RABGEF1: variants seen among roughly 807,000 people sequenced by gnomAD.
The protein encoded by RABGEF1 is rab5 GDP/GTP exchange factor.
RABGEF1 carries 26 observed loss-of-function variants against 57.3 expected under a neutral mutation model. The ratio of observed to expected loss-of-function variants is 0.45; its 90% confidence interval spans 0.33 to 0.63. The LOEUF (loss-of-function observed/expected upper bound fraction) is 0.63. Ranked by LOEUF, RABGEF1 falls within the 20% of genes least tolerant of loss-of-function variation. RABGEF1 has a pLI of 0.02. For synonymous variants in RABGEF1, 185 were observed against 210.7 expected (o/e 0.88, Z 1.06); for missense variants, 464 against 607.6 (o/e 0.76, Z 2.48).
chr7:66,738,083 T>A (rs1798257531), upstream of RABGEF1, among the ~76,000 whole-genome samples: 2 of 151,004 alleles, frequency 1.3e-5, no homozygotes, highest in Admixed American at 6.6e-5. Flanking sequence ...TGTAGTGGCA[T>A]GATCACTGCT....
intron 5 of RABGEF1, among the ~76,000 whole-genome samples, chr7:66,796,154 AAG>A (rs1299841182): frequency 6.6e-6 from 1 of 152,150 alleles, no homozygotes; most frequent in Non-Finnish European, 1.5e-5. Context: ...GAGAGAGAGA[AAG>A]AGAAAAACTT....
chr7:66,798,659 G>A (rs1584238288), intron 6 of RABGEF1, among the ~76,000 whole-genome samples: 2 of 152,160 alleles, frequency 1.3e-5, no homozygotes, highest in South Asian at 2.1e-4. Flanking sequence ...AAGCTCCAGT[G>A]TGCCTCAGAA....
At chr7:66,746,176 A>T (rs1038783776) in intron 1 of RABGEF1, among the ~76,000 whole-genome samples, 1 of 152,228 alleles carries the variant, frequency 6.6e-6, no homozygotes, top group Non-Finnish European at 1.5e-5. Flanking sequence ...TGATGTTTGG[A>T]TAAAGCTCCT....
intron 4 of RABGEF1, among the ~76,000 whole-genome samples, chr7:66,792,945 G>T (rs1297461983): frequency 6.6e-6 from 1 of 152,182 alleles, no homozygotes; most frequent in Non-Finnish European, 1.5e-5. Context: ...AGAGACAGTG[G>T]CAGGGGTGAG....
chr7:66,671,074 G>T, the RABGEF1 span, among the ~76,000 whole-genome samples: 1 of 152,022 alleles, frequency 6.6e-6, no homozygotes, highest in Non-Finnish European at 1.5e-5. Flanking sequence ...GTGTTGCCCA[G>T]ACTGTCTCAA....
chr7:66,657,233 G>A, the RABGEF1 span, among the ~76,000 whole-genome samples: 1 of 152,184 alleles, frequency 6.6e-6, no homozygotes, highest in African/African-American at 2.4e-5. Flanking sequence ...AGAGTATACA[G>A]TGTATTAGGC....
intron 1 of RABGEF1, chr7:66,682,338 A>ACGTCCGCGC (rs1051567371): frequency 1.2e-4 from 18 of 154,110 alleles, no homozygotes; most frequent in Admixed American, 2.6e-4. Flanking sequence ...TTGGTCCGTG[A>ACGTCCGCGC]CGTCCGCGCG....
intron 2 of RABGEF1, among the ~76,000 whole-genome samples, chr7:66,726,806 C>T (rs1442874258): frequency 6.6e-6 from 1 of 152,122 alleles, no homozygotes; most frequent in African/African-American, 2.4e-5. Context: ...GAGTTCAAGA[C>T]CAGCCTGGCC....
intron 4 of RABGEF1, among the ~76,000 whole-genome samples, chr7:66,793,140 G>C (rs1407209513): frequency 2.0e-5 from 3 of 152,192 alleles, no homozygotes; most frequent in Non-Finnish European, 4.4e-5. Context: ...AGAGTTTCTA[G>C]TTGGAAGCGA....
the RABGEF1 span, among the ~76,000 whole-genome samples, chr7:66,655,178 G>T: frequency 1.3e-5 from 2 of 152,248 alleles, no homozygotes; most frequent in Non-Finnish European, 2.9e-5. Flanking sequence ...TTTGAAGCCT[G>T]TGGTCCTGAC....
upstream of RABGEF1, among the ~76,000 whole-genome samples, chr7:66,677,992 A>G (rs117465769): frequency 0.014 from 2,095 of 151,614 alleles, 23 homozygotes; most frequent in Non-Finnish European, 0.023. Flanking sequence ...TGAACCTGGG[A>G]GGTTGAAGCT....
chr7:66,713,331 T>C (rs1487935971), intron 2 of RABGEF1, among the ~76,000 whole-genome samples: 1 of 151,870 alleles, frequency 6.6e-6, no homozygotes, highest in Non-Finnish European at 1.5e-5. Flanking sequence ...TTAGTAGAGA[T>C]GGGTTTCGCT....
intron 4 of RABGEF1, among the ~76,000 whole-genome samples, chr7:66,788,197 A>G (rs1811678177): frequency 6.6e-6 from 1 of 152,204 alleles, no homozygotes; most frequent in Non-Finnish European, 1.5e-5. Context: ...CTGTAATCCC[A>G]GCACTTTGGG....
intron 2 of RABGEF1, among the ~76,000 whole-genome samples, chr7:66,731,028 C>T (rs1420088424): frequency 6.6e-6 from 1 of 152,180 alleles, no homozygotes; most frequent in Non-Finnish European, 1.5e-5. Context: ...TGCGGGCCTC[C>T]TGGTTCCTTT....
intron 1 of RABGEF1, among the ~76,000 whole-genome samples, chr7:66,743,502 A>G (rs894945877): frequency 6.7e-6 from 1 of 149,836 alleles, no homozygotes; most frequent in Admixed American, 6.7e-5. Context: ...GCCTGGCTAA[A>G]TTTTTTTTTC....
chr7:66,724,680 G>C (rs1398753449), intron 2 of RABGEF1, among the ~76,000 whole-genome samples: 3 of 152,026 alleles, frequency 2.0e-5, no homozygotes, highest in Non-Finnish European at 2.9e-5. Flanking sequence ...TATTCTTCTT[G>C]GAGCTCTTTG....
chr7:66,688,198 A>G (rs1160848645), intron 1 of RABGEF1, among the ~76,000 whole-genome samples: 2 of 152,120 alleles, frequency 1.3e-5, no homozygotes. Context: ...TTCTATACTG[A>G]TGAAAAGTTT....
At chr7:66,719,088 A>T (rs935056860) in intron 2 of RABGEF1, among the ~76,000 whole-genome samples, 2 of 152,242 alleles carry the variant, frequency 1.3e-5, no homozygotes, top group African/African-American at 4.8e-5. Flanking sequence ...TTTGGTGGTT[A>T]CCCAACTGCT....
At chr7:66,701,495 ACT>A (rs901330542) in intron 1 of RABGEF1, among the ~76,000 whole-genome samples, 9 of 126,968 alleles carry the variant, frequency 7.1e-5, no homozygotes, top group East Asian at 2.4e-4. Context: ...CGAGACTCTG[ACT>A]CTTTTTTTTT....
Sources: gnomAD v4.1 joint callset for allele counts (sites outside exome capture counted in the v4.1 genomes callset) on GRCh38, gnomAD v4.1.1 for gene constraint, MANE v1.5 for transcripts, NCBI Gene and HGNC (gene_info 2026-07-23, HGNC 2026-07-21) for gene names.